NRG1: variants seen among roughly 807,000 people sequenced by gnomAD.
NRG1 encodes the protein pro-neuregulin-1, membrane-bound isoform.
Under a neutral mutation model 63.8 loss-of-function variants are expected in NRG1, and 18 were observed. The ratio of observed to expected loss-of-function variants is 0.28; its 90% CI spans 0.19 to 0.42. The LOEUF (loss-of-function observed/expected upper bound fraction) is 0.42. Among genes scored for constraint, NRG1 ranks in the 10% least tolerant of loss-of-function variants. The pLI, the probability that NRG1 is intolerant of heterozygous loss-of-function variation, is 1.00. For synonymous variants in NRG1, 302 were observed against 301.3 expected, an observed-to-expected ratio of 1.00 and a Z score of -0.02; for missense variants, 762 against 814.7, an observed-to-expected ratio of 0.94 and a Z score of 0.79.
intron 1 of NRG1, chr8:31,639,662 G>A: frequency 7.2e-7 from 1 of 1,397,944 alleles, no homozygotes; most frequent in Non-Finnish European, 9.2e-7. Context: ...GCAGGGCTCG[G>A]GCGCGGCGGC....
intron 1 of NRG1, among the ~76,000 whole-genome samples, chr8:32,479,223 C>G (rs988874074): frequency 1.3e-5 from 2 of 152,138 alleles, no homozygotes; most frequent in Non-Finnish European, 2.9e-5. Context: ...CACTGGTAAT[C>G]TCAGCACTTT....
At chr8:32,229,403 C>T (rs557928597) in intron 1 of NRG1, among the ~76,000 whole-genome samples, 5 of 152,090 alleles carry the variant, frequency 3.3e-5, no homozygotes, top group Admixed American at 6.6e-5. Context: ...GCAAGATGAA[C>T]GAGTGAACAA....
intron 1 of NRG1, among the ~76,000 whole-genome samples, chr8:31,708,735 G>A (rs1425670375): frequency 1.3e-5 from 2 of 152,188 alleles, no homozygotes; most frequent in African/African-American, 4.8e-5. Context: ...GTGAGCCACC[G>A]CGCCCGGCCA....
intron 5 of NRG1, among the ~76,000 whole-genome samples, chr8:32,709,953 T>G (rs1430369051): frequency 6.6e-6 from 1 of 152,224 alleles, no homozygotes; most frequent in Non-Finnish European, 1.5e-5. Context: ...TAAATATGTC[T>G]GCCACTCTGA....
chr8:32,094,869 T>C (rs978929349), intron 1 of NRG1, among the ~76,000 whole-genome samples: 2 of 151,916 alleles, frequency 1.3e-5, no homozygotes, highest in African/African-American at 4.8e-5. Context: ...CAGGATTCCA[T>C]TTACTTATAA....
At chr8:32,282,170 C>T (rs1852935918) in intron 1 of NRG1, among the ~76,000 whole-genome samples, 3 of 152,148 alleles carry the variant, frequency 2.0e-5, no homozygotes, top group Admixed American at 2.0e-4. Context: ...CACAGGGCAC[C>T]ACAAACACAG....
chr8:32,478,031 C>T (rs182651426), intron 1 of NRG1, among the ~76,000 whole-genome samples: 1 of 152,344 alleles, frequency 6.6e-6, no homozygotes, highest in East Asian at 1.9e-4. Context: ...TCTCTATATA[C>T]TTCTCATCCT....
chr8:32,291,167 A>G (rs1194654504), intron 1 of NRG1, among the ~76,000 whole-genome samples: 1 of 152,164 alleles, frequency 6.6e-6, no homozygotes. Flanking sequence ...CGTGTCTTCA[A>G]CTGACTAGAT....
At chr8:31,804,589 C>T (rs1345458516) in intron 1 of NRG1, among the ~76,000 whole-genome samples, 1 of 152,090 alleles carries the variant, frequency 6.6e-6, no homozygotes, top group African/African-American at 2.4e-5. Context: ...TTTTAAGGAA[C>T]GTGATTGCTG....
Position 32,079,721 on chromosome 8 carries a change from T to C in NRG1, c.37+440290T>C, listed in dbSNP as rs563451197. ...AACTGGCATGTACAGAATTTTTTTT[T>C]CCTTCAATTGCAAAGTGAATGCAGT... On this transcript the variant is annotated intron_variant, in intron 1 of 10. Coordinates refer to the NRG1 transcript ENST00000519301. Among the ~76,000 whole-genome samples the C allele has an allele frequency of 2.6e-5, 4 of 152,316 alleles. No individual in the cohort carries two copies. The South Asian group carries it at 8.3e-4, about 32-fold the overall frequency.
At chr8:31,980,582 G>C (rs1486704911) in intron 1 of NRG1, among the ~76,000 whole-genome samples, 1 of 151,990 alleles carries the variant, frequency 6.6e-6, no homozygotes, top group Non-Finnish European at 1.5e-5. Context: ...GGTATTTGTT[G>C]TTTGCAGCAT....
intron 1 of NRG1, among the ~76,000 whole-genome samples, chr8:32,118,651 G>T (rs1563807471): frequency 6.6e-6 from 1 of 152,126 alleles, no homozygotes; most frequent in Non-Finnish European, 1.5e-5. Context: ...TAATAGCGAG[G>T]TATTTATTTT....
intron 1 of NRG1, chr8:32,442,816 G>A (rs966214300): frequency 2.6e-5 from 4 of 152,134 alleles, no homozygotes; most frequent in Admixed American, 6.5e-5. Context: ...GTCTAATCAA[G>A]GTAGGTGGTG....
At chr8:31,664,262 C>T (rs941901376) in intron 1 of NRG1, among the ~76,000 whole-genome samples, 7 of 152,136 alleles carry the variant, frequency 4.6e-5, no homozygotes, top group Admixed American at 6.6e-5. Flanking sequence ...TATCAATTAG[C>T]TAATTATACT....
intron 1 of NRG1, among the ~76,000 whole-genome samples, chr8:31,979,554 T>C (rs530320865): frequency 1.6e-4 from 25 of 152,106 alleles, no homozygotes; most frequent in Non-Finnish European, 2.8e-4. Flanking sequence ...GCAATTACTT[T>C]TGTTGTAATT....
At chr8:32,431,021 C>G (rs1489183579) in intron 1 of NRG1, among the ~76,000 whole-genome samples, 3 of 152,060 alleles carry the variant, frequency 2.0e-5, no homozygotes, top group African/African-American at 7.2e-5. Context: ...AAGCCTGTTA[C>G]CTCATTTAAT....
chr8:31,740,431 T>G (rs965926621), intron 1 of NRG1, among the ~76,000 whole-genome samples: 4 of 152,076 alleles, frequency 2.6e-5, no homozygotes, highest in African/African-American at 9.7e-5. Context: ...GAGAAATACC[T>G]TGGTTGGTCC....
chr8:32,671,819 A>C (rs1043273296), intron 5 of NRG1, among the ~76,000 whole-genome samples: 3 of 152,204 alleles, frequency 2.0e-5, no homozygotes, highest in African/African-American at 7.2e-5. Context: ...ATTCAATAAA[A>C]AGCAAACTAA....
intron 1 of NRG1, among the ~76,000 whole-genome samples, chr8:31,988,889 A>G (rs1810541100): frequency 6.6e-6 from 1 of 151,986 alleles, no homozygotes; most frequent in South Asian, 2.1e-4. Context: ...TTCTTTTCAT[A>G]CTATTCATTC....
Sources: allele counts gnomAD v4.1 joint callset (sites outside exome capture counted in the v4.1 genomes callset), GRCh38; gene constraint gnomAD v4.1.1; transcripts MANE v1.5; gene names NCBI Gene and HGNC (gene_info 2026-07-23, HGNC 2026-07-21).